VAC14: variants seen among roughly 807,000 people sequenced by gnomAD.
VAC14 encodes the protein VAC14 component of PIKFYVE complex.
A neutral mutation model predicts 85.3 loss-of-function variants in VAC14; 47 were observed. The observed-to-expected ratio is 0.55, with a 90% CI of 0.44 to 0.70. The LOEUF (loss-of-function observed/expected upper bound fraction) is 0.70, where lower values mean the gene tolerates loss of function less well. Ranked by LOEUF, VAC14 falls within the 30% of genes least tolerant of loss-of-function variation. The probability of loss-of-function intolerance (pLI) is 0.00; values close to 1 mark genes in which losing one functional copy is unlikely to be tolerated. For synonymous variants in VAC14, 447 were observed against 430.5 expected, an observed-to-expected ratio of 1.04 and a Z score of -0.47; for missense variants, 861 against 1,004.3, an observed-to-expected ratio of 0.86 and a Z score of 1.93.
chr16:70,764,104 G>A (rs1335816321), intron 10 of VAC14, among the ~76,000 whole-genome samples: 2 of 152,208 alleles, frequency 1.3e-5, no homozygotes, highest in African/African-American at 2.4e-5. Context: ...TTTGCATCAG[G>A]AACTGATGGC....
intron 12 of VAC14, among the ~76,000 whole-genome samples, chr16:70,757,490 G>A (rs1483992609): frequency 6.6e-6 from 1 of 152,202 alleles, no homozygotes; most frequent in Non-Finnish European, 1.5e-5. Flanking sequence ...AAGGGAAGAC[G>A]GGAGGGGAGA....
At chr16:70,776,561 C>T (rs2033528306) in intron 9 of VAC14, among the ~76,000 whole-genome samples, 1 of 152,120 alleles carries the variant, frequency 6.6e-6, no homozygotes, top group Non-Finnish European at 1.5e-5. Context: ...CAGTCTGGGC[C>T]TTGCCTTGTA....
Position 70,784,215 on chromosome 16 carries a change from A to G in VAC14, c.492T>C (p.Ile164=), listed in dbSNP as rs113251587. The G allele has an allele frequency of 1.1e-4, 181 of 1,614,052 alleles. No homozygotes were observed. The Middle Eastern group carries it at 1.7e-3, about 15-fold the overall frequency. ...SELLDRLLKD[I]VTESNKFDLV... is the part of the protein sequence containing the mutation. ...GGTCAAACTTGTTGCTCTCAGTCAC[A>G]ATGTCCTGTGGATCAGAGGAAAGTG... Residue 164 remains isoleucine, a synonymous_variant, in exon 5 of 19, where the codon ATT becomes ATC. Coordinates refer to ENST00000261776, the MANE Select transcript of VAC14 (RefSeq NM_018052.5).
chr16:70,770,683 C>T (rs1440067114), intron 10 of VAC14: 1 of 152,254 alleles, frequency 6.6e-6, no homozygotes, highest in Non-Finnish European at 1.5e-5. Context: ...TGCCTCACCA[C>T]TGGAGTAAAT....
chr16:70,738,836 G>A (rs948133214), intron 13 of VAC14, among the ~76,000 whole-genome samples: 2 of 152,208 alleles, frequency 1.3e-5, no homozygotes, highest in African/African-American at 4.8e-5. Context: ...TTCAAACTGA[G>A]CTGATGACAC....
At chr16:70,702,159 C>T (rs773864614) in intron 14 of VAC14, among the ~76,000 whole-genome samples, 18 of 152,232 alleles carry the variant, frequency 1.2e-4, no homozygotes, top group Non-Finnish European at 2.2e-4. Context: ...CCAGGCAGGC[C>T]TTTTTGTGCT....
chr16:70,756,926 C>T (rs910038965), intron 12 of VAC14, among the ~76,000 whole-genome samples: 9 of 152,156 alleles, frequency 5.9e-5, no homozygotes, highest in East Asian at 1.9e-4. Flanking sequence ...AAACTAGAAA[C>T]GTTACCACTG....
chr16:70,733,981 C>T (rs1382456054), intron 13 of VAC14, among the ~76,000 whole-genome samples: 1 of 152,070 alleles, frequency 6.6e-6, no homozygotes. Context: ...TGCCACCAGA[C>T]CTGACTAATT....
intron 10 of VAC14, among the ~76,000 whole-genome samples, chr16:70,765,398 G>A (rs952316582): frequency 2.6e-5 from 4 of 152,148 alleles, no homozygotes; most frequent in Non-Finnish European, 4.4e-5. Context: ...TGAGCCCCTG[G>A]GGGGAATAAC....
At chr16:70,786,981 C>T (rs35144432) in intron 1 of VAC14, among the ~76,000 whole-genome samples, 12,228 of 152,202 alleles carry the variant, frequency 0.08, 529 homozygotes, top group Middle Eastern at 0.14. Flanking sequence ...CAGAGCACCT[C>T]GGGCATAGGG....
At chr16:70,719,763 A>T (rs2054243926) in intron 14 of VAC14, among the ~76,000 whole-genome samples, 1 of 152,184 alleles carries the variant, frequency 6.6e-6, no homozygotes, top group Non-Finnish European at 1.5e-5. Context: ...ACTCTCCCAC[A>T]ATGCTGACGG....
chr16:70,732,469 A>C (rs1228861510), intron 13 of VAC14, among the ~76,000 whole-genome samples: 1 of 152,116 alleles, frequency 6.6e-6, no homozygotes, highest in Non-Finnish European at 1.5e-5. Flanking sequence ...ACCCAGCACC[A>C]AGGGGACAAG....
At chr16:70,702,922 T>C (rs527274319) in intron 14 of VAC14, among the ~76,000 whole-genome samples, 1 of 152,194 alleles carries the variant, frequency 6.6e-6, no homozygotes, top group Admixed American at 6.5e-5. Flanking sequence ...CTGGGCAGGG[T>C]TATCACCCCC....
chr16:70,780,963 G>A lies in VAC14; in HGVS notation c.947-24C>T, dbSNP rs770588815. On this transcript the variant is annotated intron_variant, in intron 8 of 18. Coordinates refer to ENST00000261776, the MANE Select transcript of VAC14 (RefSeq NM_018052.5). ...GCCTGAGTCCACTGATGTAAGGAGC[G>A]TGATCTGATTTGGATGCCTGTCTCT... The A allele has an allele frequency of 4.3e-6, 7 of 1,613,476 alleles. No homozygotes were observed. The South Asian group carries it at 6.6e-5, about 15-fold the overall frequency.
intron 1 of VAC14, among the ~76,000 whole-genome samples, chr16:70,791,788 G>A (rs907169831): frequency 6.6e-6 from 1 of 152,210 alleles, no homozygotes; most frequent in Non-Finnish European, 1.5e-5. Flanking sequence ...CAGTAGGTGG[G>A]GAAACACTTG....
chr16:70,774,488 T>C (rs1216825120), intron 9 of VAC14, among the ~76,000 whole-genome samples: 2 of 152,326 alleles, frequency 1.3e-5, no homozygotes, highest in East Asian at 3.8e-4. Context: ...GTTTCTCCCC[T>C]GTAAGGTTAC....
intron 1 of VAC14, among the ~76,000 whole-genome samples, chr16:70,792,432 T>C (rs1366577926): frequency 6.6e-6 from 1 of 152,194 alleles, no homozygotes; most frequent in South Asian, 2.1e-4. Context: ...CGCTGTCTTA[T>C]ACACCAGAGC....
chr16:70,795,076 T>C (rs112312622), intron 1 of VAC14, among the ~76,000 whole-genome samples: 6 of 152,350 alleles, frequency 3.9e-5, no homozygotes, highest in African/African-American at 1.4e-4. Context: ...CTCTACCATA[T>C]AGCCTAGTGT....
At chr16:70,698,376 G>T (rs1339147473) in intron 15 of VAC14, among the ~76,000 whole-genome samples, 1 of 152,220 alleles carries the variant, frequency 6.6e-6, no homozygotes, top group Non-Finnish European at 1.5e-5. Context: ...GGAAAAGGCA[G>T]GGCTGCTGGG....
Sources: allele counts gnomAD v4.1 joint callset (sites outside exome capture counted in the v4.1 genomes callset), GRCh38; gene constraint gnomAD v4.1.1; transcripts MANE v1.5; gene names NCBI Gene and HGNC (gene_info 2026-07-23, HGNC 2026-07-21).